Variants in SUFU observed in about 807,000 individuals in gnomAD.
The protein encoded by SUFU is suppressor of fused homolog.
SUFU carries 7 observed loss-of-function variants against 58.9 expected under a neutral mutation model. That is an observed-to-expected ratio of 0.12 (90% CI 0.07 to 0.22). The LOEUF (loss-of-function observed/expected upper bound fraction) is 0.22, where lower values mean the gene tolerates loss of function less well. SUFU is among the 10% of genes least tolerant of loss of function. SUFU has a pLI of 1.00. For missense variants in SUFU, 451 were observed against 641.3 expected (o/e 0.70, Z 3.20); for synonymous variants, 232 against 254.8 (o/e 0.91, Z 0.85).
intron 2 of SUFU, among the ~76,000 whole-genome samples, chr10:102,544,672 C>A (rs1483443387): frequency 6.6e-6 from 1 of 152,192 alleles, no homozygotes; most frequent in Non-Finnish European, 1.5e-5. Flanking sequence ...GCACTCCAGC[C>A]TGGGCAACGG....
chr10:102,531,651 AG>A (rs1373376894), intron 2 of SUFU, among the ~76,000 whole-genome samples: 1 of 122 alleles, frequency 8.2e-3, no homozygotes, highest in Non-Finnish European at 0.036. Flanking sequence ...TCTCTTGGTC[AG>A]GGTCCCAAAT....
intron 10 of SUFU, chr10:102,618,348 T>C (rs994519568): frequency 2.0e-5 from 3 of 152,428 alleles, no homozygotes; most frequent in African/African-American, 7.2e-5. Context: ...TTTCACCCAG[T>C]CTGGGGAGTC....
intron 3 of SUFU, among the ~76,000 whole-genome samples, chr10:102,551,974 C>A (rs1055703396): frequency 4.6e-5 from 7 of 151,904 alleles, no homozygotes; most frequent in African/African-American, 1.7e-4. Context: ...ATCCACCCGC[C>A]TCAGCCTCCC....
At chr10:102,531,359 G>A (rs1046791602) in intron 2 of SUFU, among the ~76,000 whole-genome samples, 1 of 152,182 alleles carries the variant, frequency 6.6e-6, no homozygotes, top group Non-Finnish European at 1.5e-5. Flanking sequence ...CACCCCCAGA[G>A]TCAACATCAG....
At chr10:102,551,181 T>G (rs2062910864) in intron 3 of SUFU, among the ~76,000 whole-genome samples, 1 of 152,242 alleles carries the variant, frequency 6.6e-6, no homozygotes, top group Admixed American at 6.5e-5. Flanking sequence ...AACTACCACC[T>G]ACCATTGTAT....
intron 2 of SUFU, among the ~76,000 whole-genome samples, chr10:102,537,166 T>C (rs545608167): frequency 6.9e-6 from 1 of 145,198 alleles, no homozygotes; most frequent in East Asian, 2.0e-4. Context: ...AAGGTCTTGC[T>C]CTGTCACTCA....
At chr10:102,545,007 C>T (rs1273837711) in intron 2 of SUFU, among the ~76,000 whole-genome samples, 1 of 152,106 alleles carries the variant, frequency 6.6e-6, no homozygotes, top group African/African-American at 2.4e-5. Flanking sequence ...TTTGTTTATC[C>T]ATTCCTCAGT....
chr10:102,617,153 C>A lies in SUFU; in HGVS notation c.1158-137C>A. 1 of 1,033,438 alleles carries A rather than the reference C, an allele frequency of 9.7e-7. No homozygotes were observed. The highest frequency in any genetic ancestry group is 1.5e-6 in the Non-Finnish European group (1 of 677,268). The allele number at this position is 1,033,438 out of a possible 1,614,324, so 64.0% of individuals were successfully genotyped here. ...TTGGATACAGTCCCCTGTTGATGGG[C>A]AGGTGGGCAGCCAGGAGGGCATGTT... On this transcript the variant is annotated intron_variant, in intron 9 of 11. Coordinates refer to ENST00000369902, the MANE Select transcript of SUFU (RefSeq NM_016169.4). This position sits in a 1 kb window ranked among gnomAD's most constrained non-coding sequence, Gnocchi z 4.4.
In SUFU at chr10:102,628,713, C is replaced by A. The variant is rs1460501258; in HGVS notation, c.1366-1353C>A. 6.6e-6 allele frequency among the ~76,000 whole-genome samples: 1 copy of A among 152,162 alleles called. No homozygotes were observed. Among genetic ancestry groups the A allele is most frequent in the African/African-American group, 2.4e-5 (1 of 41,436 alleles). ...GCCTCACTCGCCACTTTGGTCCTGG[C>A]AGAGACAGTCCCCCAGCAGAGGGAG... On this transcript the variant is annotated intron_variant, in intron 11 of 11. Coordinates refer to ENST00000369902, the MANE Select transcript of SUFU (RefSeq NM_016169.4). The surrounding 1 kb of genome is among the most constrained non-coding windows in gnomAD (Gnocchi z 4.5).
intron 2 of SUFU, among the ~76,000 whole-genome samples, chr10:102,535,007 C>G (rs889447477): frequency 1.3e-5 from 2 of 152,092 alleles, no homozygotes; most frequent in African/African-American, 4.8e-5. Flanking sequence ...ACCCCCTACC[C>G]CCTGCACAGG....
chr10:102,551,186 T>A (rs1328903600), intron 3 of SUFU, among the ~76,000 whole-genome samples: 2 of 152,246 alleles, frequency 1.3e-5, no homozygotes, highest in African/African-American at 4.8e-5. Context: ...CCACCTACCA[T>A]TGTATGCCCT....
intron 3 of SUFU, among the ~76,000 whole-genome samples, chr10:102,580,350 A>G (rs540742651): frequency 5.4e-4 from 82 of 152,152 alleles, no homozygotes; most frequent in Non-Finnish European, 9.0e-4. Flanking sequence ...TTTTGCTCCT[A>G]CGCTGTTTAT....
At position 102,629,656 on chromosome 10, in the gene SUFU, G is replaced by T. The variant is rs2063819302; in HGVS notation, c.1366-410G>T. 6.6e-6 allele frequency among the ~76,000 whole-genome samples: 1 copy of T among 152,162 alleles called. No individual in the cohort carries two copies. Among genetic ancestry groups the T allele is most frequent in the Non-Finnish European group, 1.5e-5 (1 of 68,034 alleles). On this transcript the variant is annotated intron_variant, in intron 11 of 11. Transcript: ENST00000369902. The surrounding 1 kb of genome is among the most constrained non-coding windows in gnomAD (Gnocchi z 4.7). The stretch of plus-strand genomic sequence containing the variant: ...TCCTGCACTAGCCTCTGAAAGAGAG[G>T]CCATGGCAGTGACAGAGCTCAGGCC...
chr10:102,570,878 G>A (rs963332065), intron 3 of SUFU, among the ~76,000 whole-genome samples: 2 of 152,002 alleles, frequency 1.3e-5, no homozygotes, highest in African/African-American at 4.8e-5. Flanking sequence ...GTAAATAGTG[G>A]CCATATTTTC....
At chr10:102,627,133 C>A (rs773589416) in intron 10 of SUFU, 42 bp from the exon 11 acceptor site, 2 of 1,605,256 alleles carry the variant, frequency 1.2e-6, no homozygotes, top group South Asian at 2.2e-5. Context: ...AAAGATCATA[C>A]ATTTAAAAAT....
chr10:102,547,933 T>C (rs1050541805), intron 2 of SUFU, among the ~76,000 whole-genome samples: 2 of 152,036 alleles, frequency 1.3e-5, no homozygotes, highest in Non-Finnish European at 2.9e-5. Flanking sequence ...AAAGGATTGC[T>C]TGAGCCCAGG....
intron 2 of SUFU, among the ~76,000 whole-genome samples, chr10:102,523,095 G>A (rs1007335462): frequency 1.3e-5 from 2 of 152,128 alleles, no homozygotes; most frequent in Non-Finnish European, 2.9e-5. Context: ...ATTTGTCAGC[G>A]AGATCATAGC....
chr10:102,578,171 G>A (rs1053364463), intron 3 of SUFU, among the ~76,000 whole-genome samples: 26 of 149,902 alleles, frequency 1.7e-4, no homozygotes, highest in African/African-American at 6.4e-4. Flanking sequence ...AGCTGGGCGT[G>A]GTGGTGGGCG....
chr10:102,520,975 C>T (rs2062544765), intron 2 of SUFU, among the ~76,000 whole-genome samples: 1 of 152,216 alleles, frequency 6.6e-6, no homozygotes, highest in African/African-American at 2.4e-5. Flanking sequence ...TTCAACTCAT[C>T]TGGGTAAATC....
Sources: allele counts gnomAD v4.1 joint callset (sites outside exome capture counted in the v4.1 genomes callset), GRCh38; gene constraint gnomAD v4.1.1; non-coding constraint Gnocchi (gnomAD v3.1); transcripts MANE v1.5; gene names NCBI Gene and HGNC (gene_info 2026-07-23, HGNC 2026-07-21).